The following ADGRG2 variants were observed in gnomAD, a reference collection of about 807,000 sequenced individuals.
The protein encoded by ADGRG2 is adhesion G protein-coupled receptor G2, also known as G protein-coupled receptor 64.
In ADGRG2, 26 loss-of-function variants were observed where a neutral mutation model predicts 74.1. That is an observed-to-expected ratio of 0.35 (90% CI 0.26 to 0.49). The LOEUF is 0.49. Ranked by LOEUF, ADGRG2 falls within the 20% of genes least tolerant of loss-of-function variation. The pLI is 0.99. For missense variants in ADGRG2, 619 were observed against 763.1 expected (o/e 0.81, Z 2.22); for synonymous variants, 296 against 295.2 (o/e 1.00, Z -0.03).
At chrX:19,117,777 C>A (rs2062548260) in intron 1 of ADGRG2, among the ~76,000 whole-genome samples, 1 of 110,719 alleles carries the variant, frequency 9.0e-6, no homozygotes, top group Admixed American at 9.7e-5. Flanking sequence ...AGATTACTAC[C>A]ACTGCTCTCC....
intron 1 of ADGRG2, among the ~76,000 whole-genome samples, chrX:19,105,927 CAA>C (rs748026875): frequency 3.3e-5 from 1 of 29,993 alleles, no homozygotes. Flanking sequence ...GACTCTGTCT[CAA>C]AAAAAAAAAA....
chrX:19,047,148 A>G lies in ADGRG2; in HGVS notation c.119-6924T>C, dbSNP rs17274490. On this transcript the variant is annotated intron_variant, in intron 3 of 28. Coordinates refer to ENST00000379869, the MANE Select transcript of ADGRG2 (RefSeq NM_001079858.3). ...GCCGATCACAGCAGATAGATGCCTTAACAGGTCTTACAAATGTATGCTAAA... is the reference window on the plus strand; with the variant it reads ...GCCGATCACAGCAGATAGATGCCTTGACAGGTCTTACAAATGTATGCTAAA... Among the ~76,000 whole-genome samples the G allele has an allele frequency of 4.8e-3, 535 of 112,302 alleles. 11 individuals are homozygous for G. Among genetic ancestry groups the G allele is most frequent in the East Asian group, 0.039 (139 of 3,561 alleles).
At chrX:19,022,789 C>A (rs769778277) in intron 13 of ADGRG2, among the ~76,000 whole-genome samples, 2 of 112,037 alleles carry the variant, frequency 1.8e-5, no homozygotes, top group East Asian at 5.6e-4. Context: ...CTCTGCCTCC[C>A]AGGCTCAAGT....
intron 2 of ADGRG2, among the ~76,000 whole-genome samples, chrX:19,075,258 AC>A (rs1365580747): frequency 9.1e-6 from 1 of 110,054 alleles, no homozygotes; most frequent in African/African-American, 3.3e-5. Flanking sequence ...AAAAAAAAAA[AC>A]AAAAACAAAA....
intron 3 of ADGRG2, among the ~76,000 whole-genome samples, chrX:19,041,032 G>GTA (rs1236992383): frequency 1.8e-5 from 2 of 110,121 alleles, no homozygotes; most frequent in African/African-American, 3.3e-5. Flanking sequence ...ATGTTTATAT[G>GTA]TATATATATG....
intron 3 of ADGRG2, among the ~76,000 whole-genome samples, chrX:19,047,112 T>C (rs748578172): frequency 3.6e-4 from 40 of 110,902 alleles, no homozygotes; most frequent in Non-Finnish European, 7.0e-4. Flanking sequence ...TTTGGAGGAG[T>C]AGTTATAGCT....
intron 1 of ADGRG2, among the ~76,000 whole-genome samples, 195 bp from the exon 2 acceptor site, chrX:19,082,941 T>C (rs925794152): frequency 9.0e-6 from 1 of 110,860 alleles, no homozygotes. Flanking sequence ...GAGGAACTTA[T>C]ATATAAACTG....
chrX:19,023,897 C>T lies in ADGRG2; in HGVS notation c.510+12G>A. ...ATAATTATAAACAAGCTACAGGGTG[C>T]ACTATGATTACCTCACTTAGGGTTT... On this transcript the variant is annotated intron_variant, in intron 12 of 28. Transcript: ENST00000379869. 8.8e-7 allele frequency: 1 copy of T among 1,138,207 alleles called. No individual in the cohort carries two copies. Among genetic ancestry groups the T allele is most frequent in the Non-Finnish European group, 1.2e-6 (1 of 828,706 alleles). The allele number at this position is 1,138,207 out of a possible 1,213,427, so 93.8% of individuals were successfully genotyped here.
chrX:18,994,187 A>G (rs2059973793), intron 28 of ADGRG2, among the ~76,000 whole-genome samples: 1 of 111,986 alleles, frequency 8.9e-6, no homozygotes, highest in Non-Finnish European at 1.9e-5. Flanking sequence ...AAAGCAAAAA[A>G]TAGGAAGGTT....
At chrX:19,051,296 G>T (rs925525087) in intron 3 of ADGRG2, among the ~76,000 whole-genome samples, 2 of 110,618 alleles carry the variant, frequency 1.8e-5, no homozygotes, top group African/African-American at 6.6e-5. Flanking sequence ...GGATGGTCTC[G>T]ATCTCCTGAC....
Position 19,021,149 on chromosome X carries a change from A to G in ADGRG2, c.598T>C (p.Cys200Arg). The change falls in exon 14 of 29, where the codon TGT (cysteine) becomes CGT (arginine). Residue 200 changes from cysteine (C) to arginine (R), a missense_variant. Cys to Arg is a radical substitution (Grantham distance 180). This residue lies in a region of ADGRG2 where 292 missense variants were observed against 318.0 expected (regional missense o/e 0.92). Coordinates refer to ENST00000379869, the MANE Select transcript of ADGRG2 (RefSeq NM_001079858.3). ...TIKLNNTMNA[C>R]AVIAALERVK... ...CTTTCCAAAGCAGCTATTACAGCAC[A>G]TGCATTCATTGTATTATTCAGTTTT... 1 of 1,132,374 alleles carries G rather than the reference A, an allele frequency of 8.8e-7. No homozygotes were observed. Among genetic ancestry groups the G allele is most frequent in the Non-Finnish European group, 1.2e-6 (1 of 823,517 alleles). The allele number at this position is 1,132,374 out of a possible 1,213,427, so 93.3% of individuals were successfully genotyped here.
intron 2 of ADGRG2, among the ~76,000 whole-genome samples, chrX:19,082,072 C>CAAAAAAAA (rs57534658): frequency 7.6e-4 from 16 of 21,183 alleles, no homozygotes; most frequent in African/African-American, 1.4e-3. Context: ...GACCCTGTCT[C>CAAAAAAAA]AAAAAAAAAA....
intron 26 of ADGRG2, among the ~76,000 whole-genome samples, chrX:18,996,531 C>T (rs2060021252): frequency 9.1e-6 from 1 of 110,185 alleles, no homozygotes; most frequent in Admixed American, 9.8e-5. Flanking sequence ...TATTTAGAAT[C>T]CGTTTCCAAG....
At chrX:19,069,987 C>T (rs2061627713) in intron 2 of ADGRG2, among the ~76,000 whole-genome samples, 1 of 112,297 alleles carries the variant, frequency 8.9e-6, no homozygotes, top group African/African-American at 3.2e-5. Flanking sequence ...CACATGCCCT[C>T]TGGGGCTCGG....
intron 22 of ADGRG2, among the ~76,000 whole-genome samples, chrX:19,005,116 G>A (rs776155380): frequency 3.0e-4 from 34 of 111,550 alleles, no homozygotes; most frequent in Non-Finnish European, 4.5e-4. Context: ...TTCAGGTCTG[G>A]CACACTCCAA....
chrX:19,080,753 T>C (rs1449819611), intron 2 of ADGRG2, among the ~76,000 whole-genome samples: 3 of 110,094 alleles, frequency 2.7e-5, no homozygotes, highest in Non-Finnish European at 3.8e-5. Flanking sequence ...TGGAGTGCAG[T>C]GGTACAATCT....
At chrX:19,053,637 A>T (rs1386913400) in intron 3 of ADGRG2, among the ~76,000 whole-genome samples, 3 of 112,371 alleles carry the variant, frequency 2.7e-5, no homozygotes, top group Non-Finnish European at 5.6e-5. Context: ...GTAACAGGAC[A>T]TACTTCATAG....
chrX:19,070,158 T>C (rs1171739050), intron 2 of ADGRG2, among the ~76,000 whole-genome samples: 1 of 112,456 alleles, frequency 8.9e-6, no homozygotes, highest in African/African-American at 3.2e-5. Context: ...AGCCACTCCT[T>C]CATGAATCCC....
intron 1 of ADGRG2, among the ~76,000 whole-genome samples, chrX:19,090,185 C>T (rs1356215050): frequency 1.8e-5 from 2 of 112,016 alleles, no homozygotes; most frequent in Non-Finnish European, 3.8e-5. Context: ...ATTCTGCAGA[C>T]CTTGCATGGT....
Sources: gnomAD v4.1 joint callset for allele counts (sites outside exome capture counted in the v4.1 genomes callset) on GRCh38, gnomAD v4.1.1 for gene constraint, gnomAD v4.1.1 regional missense constraint, MANE v1.5 for transcripts, NCBI Gene and HGNC (gene_info 2026-07-23, HGNC 2026-07-21) for gene names.